The following DMD variants were observed in gnomAD, a reference collection of about 807,000 sequenced individuals.
The protein encoded by DMD is dystrophin.
In DMD, 63 loss-of-function variants were observed where a neutral mutation model predicts 330.1. The ratio of observed to expected loss-of-function variants is 0.19; its 90% CI spans 0.16 to 0.24. DMD has a LOEUF of 0.24. DMD is among the 10% of genes least tolerant of loss of function. The pLI, the probability that DMD is intolerant of heterozygous loss-of-function variation, is 1.00. For synonymous variants in DMD, 1,223 were observed against 959.8 expected, an observed-to-expected ratio of 1.27 and a Z score of -5.07; for missense variants, 3,344 against 2,684.1, an observed-to-expected ratio of 1.25 and a Z score of -5.43.
chrX:31,567,405 C>G (rs1031482394), intron 55 of DMD, among the ~76,000 whole-genome samples: 56 of 110,983 alleles, frequency 5.0e-4, no homozygotes, highest in African/African-American at 1.7e-3. Flanking sequence ...TCCCAGTTTT[C>G]TCATAGTTTT....
chrX:32,940,527 T>C (rs755266504), intron 2 of DMD, among the ~76,000 whole-genome samples: 2 of 111,575 alleles, frequency 1.8e-5, no homozygotes, highest in African/African-American at 6.5e-5. Context: ...TGCAGCCATA[T>C]GATTTTCAAC....
chrX:32,125,729 A>G (rs1462939328), intron 44 of DMD, among the ~76,000 whole-genome samples: 2 of 111,995 alleles, frequency 1.8e-5, no homozygotes, highest in Non-Finnish European at 3.8e-5. Context: ...TTAATTTTAA[A>G]TTACAAAGCC....
intron 1 of DMD, among the ~76,000 whole-genome samples, chrX:33,036,172 G>A (rs2094200839): frequency 9.0e-6 from 1 of 111,223 alleles, no homozygotes; most frequent in Non-Finnish European, 1.9e-5. Flanking sequence ...TTACCCTGAT[G>A]TTTATACAAT....
At chrX:32,665,114 TAATA>T (rs1244430905) in intron 9 of DMD, among the ~76,000 whole-genome samples, 1 of 112,284 alleles carries the variant, frequency 8.9e-6, no homozygotes, top group African/African-American at 3.2e-5. Context: ...TGTAAAAACT[TAATA>T]AATGTTTGTT....
At chrX:33,334,143 A>G (rs2054218365) in intron 1 of DMD, among the ~76,000 whole-genome samples, 1 of 111,820 alleles carries the variant, frequency 8.9e-6, no homozygotes, top group Non-Finnish European at 1.9e-5. Context: ...GGCAGATATT[A>G]TATATAAGTC....
At chrX:32,969,330 G>A (rs2092302889) in intron 2 of DMD, among the ~76,000 whole-genome samples, 1 of 91,654 alleles carries the variant, frequency 1.1e-5, no homozygotes, top group Non-Finnish European at 2.1e-5. Flanking sequence ...TCTCTCACGT[G>A]CTACCACATA....
intron 44 of DMD, among the ~76,000 whole-genome samples, chrX:32,148,423 G>A (rs1186658551): frequency 9.0e-6 from 1 of 111,348 alleles, no homozygotes; most frequent in Non-Finnish European, 1.9e-5. Context: ...TTGTTGTTTT[G>A]TTAGTTAGTA....
At chrX:32,726,695 T>C in intron 7 of DMD, among the ~76,000 whole-genome samples, 2 of 110,772 alleles carry the variant, frequency 1.8e-5, no homozygotes, top group Non-Finnish European at 3.8e-5. Context: ...TTGTGGGAAG[T>C]TTTTTTTATT....
chrX:31,362,583 A>G (rs1473323646), intron 60 of DMD, among the ~76,000 whole-genome samples: 2 of 112,804 alleles, frequency 1.8e-5, no homozygotes, highest in Middle Eastern at 4.6e-3. Context: ...GATAAGGAAT[A>G]CTTAACTTGT....
chrX:31,158,584 C>A (rs1411503167), intron 74 of DMD, among the ~76,000 whole-genome samples: 2 of 111,775 alleles, frequency 1.8e-5, no homozygotes, highest in Non-Finnish European at 3.8e-5. Context: ...ATTACTAATA[C>A]TGGTTAACCT....
intron 2 of DMD, among the ~76,000 whole-genome samples, chrX:32,862,473 G>T: frequency 9.0e-6 from 1 of 111,729 alleles, no homozygotes; most frequent in East Asian, 2.8e-4. Context: ...TGTCTGATCA[G>T]GTCTATCCTT....
At chrX:31,350,626 TGTGTGTGAGAGAGAGA>T (rs1391876207) in intron 60 of DMD, among the ~76,000 whole-genome samples, 13 of 48,277 alleles carry the variant, frequency 2.7e-4, no homozygotes, top group African/African-American at 5.8e-4. Context: ...TGTGTGTGTG[TGTGTGTGAGAGAGAGA>T]GAGAGAGAGA....
At chrX:32,560,776 T>G (rs1306367795) in intron 16 of DMD, among the ~76,000 whole-genome samples, 1 of 112,330 alleles carries the variant, frequency 8.9e-6, no homozygotes, top group East Asian at 2.8e-4. Flanking sequence ...CTCTCATTCC[T>G]TTTTATGGCT....
In DMD at chrX:33,019,257, A is replaced by T. The variant is rs1367897060; in HGVS notation, c.93+882T>A. 4.5e-5 allele frequency among the ~76,000 whole-genome samples: 5 copies of T among 111,547 alleles called. No individual in the cohort carries two copies. The East Asian group carries it at 1.4e-3, about 31-fold the overall frequency. On this transcript the variant is annotated intron_variant, in intron 2 of 78. Transcript: ENST00000357033. ...ACTTTTAGTGACTCTTTAAATCATT[A>T]CAATAAGAAACAAAATATCCACTAT... is the stretch of plus-strand genomic sequence containing the variant.
chrX:31,835,469 G>A (rs2093174958), intron 49 of DMD, among the ~76,000 whole-genome samples: 1 of 111,820 alleles, frequency 8.9e-6, no homozygotes, highest in Admixed American at 9.5e-5. Context: ...ACTAAATACT[G>A]AGCACATTGT....
At chrX:32,049,004 C>T (rs999397463) in intron 44 of DMD, among the ~76,000 whole-genome samples, 3 of 111,003 alleles carry the variant, frequency 2.7e-5, no homozygotes, top group Non-Finnish European at 3.8e-5. Context: ...CAGTAGACTG[C>T]GGGATACTTG....
rs1427142002 is a variant in DMD at position 32,507,438 on chromosome X, T to A, written c.2293-5596A>T. Among the ~76,000 whole-genome samples the A allele has an allele frequency of 1.9e-4, 21 of 111,962 alleles. No individual in the cohort carries two copies. In the Admixed American group the frequency reaches 2.0e-3, roughly 11 times the overall value. On this transcript the variant is annotated intron_variant, in intron 18 of 78. Transcript: ENST00000357033. The stretch of plus-strand genomic sequence containing the variant: ...AATAGCCCTCTAAATGTTATCATCA[T>A]AATCTCTTTATTCTAAGCTTACTAG...
intron 29 of DMD, among the ~76,000 whole-genome samples, chrX:32,430,433 T>C (rs930340707): frequency 8.9e-6 from 1 of 111,786 alleles, no homozygotes; most frequent in East Asian, 2.8e-4. Context: ...AAGCTGTATA[T>C]AATTAACATA....
chrX:31,984,797 A>G (rs1244363298), intron 44 of DMD, among the ~76,000 whole-genome samples: 1 of 112,285 alleles, frequency 8.9e-6, no homozygotes, highest in African/African-American at 3.2e-5. Context: ...AATCTTCAGA[A>G]ATGAATATAA....
Sources: allele counts gnomAD v4.1 joint callset (sites outside exome capture counted in the v4.1 genomes callset), GRCh38; gene constraint gnomAD v4.1.1; transcripts MANE v1.5; gene names NCBI Gene and HGNC (gene_info 2026-07-23, HGNC 2026-07-21).